NLRP1: variants seen among roughly 807,000 people sequenced by gnomAD.
NLRP1 encodes the protein NACHT, LRR and PYD domains-containing protein 1.
NLRP1 carries 94 observed loss-of-function variants against 136.7 expected under a neutral mutation model. The observed-to-expected ratio is 0.69, with a 90% confidence interval of 0.58 to 0.82. The LOEUF (loss-of-function observed/expected upper bound fraction) is 0.82. Ranked by LOEUF, NLRP1 falls within the 40% of genes least tolerant of loss-of-function variation. NLRP1 has a pLI of 0.00. For synonymous variants in NLRP1, 690 were observed against 725.1 expected, an observed-to-expected ratio of 0.95 and a Z score of 0.78; for missense variants, 1,575 against 1,802.7, an observed-to-expected ratio of 0.87 and a Z score of 2.29.
intron 7 of NLRP1, among the ~76,000 whole-genome samples, chr17:5,539,061 G>T (rs1392280365): frequency 6.6e-6 from 1 of 152,130 alleles, no homozygotes; most frequent in African/African-American, 2.4e-5. Context: ...AGTAGAGATG[G>T]GGTTTCAGCA....
Position 5,530,625 on chromosome 17 carries a change from C to T in NLRP1, c.3376G>A (p.Glu1126Lys), listed in dbSNP as rs368992059. ...CFVMREAVTV[E>K]IEFCVWDQFL... ...TGGTCCCACACACAGAATTCAATCT[C>T]AACGGTCACCGCTTCTCTCATCACA... The change falls in exon 12 of 17, where the codon GAG becomes AAG. Residue 1126 changes from glutamate to lysine, a missense_variant. Glu to Lys is a moderately conservative substitution (Grantham distance 56). Coordinates refer to ENST00000572272, the MANE Select transcript of NLRP1 (RefSeq NM_033004.4). 11 of 1,614,102 alleles carry T rather than the reference C, an allele frequency of 6.8e-6. No homozygotes were observed. In the African/African-American group the frequency reaches 1.5e-4, roughly 22 times the overall value.
intron 3 of NLRP1, among the ~76,000 whole-genome samples, chr17:5,579,315 T>C (rs920581973): frequency 9.9e-5 from 15 of 151,404 alleles, no homozygotes; most frequent in African/African-American, 2.9e-4. Context: ...ATTCCATCAG[T>C]TGAAGGCCAG....
chr17:5,522,910 C>T (rs998924874), intron 12 of NLRP1, among the ~76,000 whole-genome samples: 1 of 152,196 alleles, frequency 6.6e-6, no homozygotes, highest in African/African-American at 2.4e-5. Flanking sequence ...ACTATTCAAA[C>T]TCTTCTTTTT....
rs1037357269 is a variant in NLRP1 at position 5,521,502 on chromosome 17, C to G, written c.3783+22G>C. On this transcript the variant is annotated intron_variant, in intron 13 of 16. Coordinates refer to ENST00000572272, the MANE Select transcript of NLRP1 (RefSeq NM_033004.4). ...TTACCGTCAACCCACCGTGGCCCAG[C>G]CTTTCTGGCTCTTAGTGTCACCTTC... 1.9e-6 allele frequency: 3 copies of G among 1,606,112 alleles called. No individual in the cohort carries two copies. The African/African-American group carries it at 4.0e-5, about 21-fold the overall frequency.
At chr17:5,506,524 G>A (rs1368925352) in intron 15 of NLRP1, among the ~76,000 whole-genome samples, 1 of 152,118 alleles carries the variant, frequency 6.6e-6, no homozygotes, top group Non-Finnish European at 1.5e-5. Flanking sequence ...AGCAACACAC[G>A]TGTCCATCAA....
In NLRP1 at chr17:5,558,850, G is replaced by A. The variant is rs202072495; in HGVS notation, c.1846C>T (p.Pro616Ser). 1.2e-6 allele frequency: 2 copies of A among 1,614,142 alleles called. No individual in the cohort carries two copies. Among genetic ancestry groups the A allele is most frequent in the African/African-American group, 2.7e-5 (2 of 75,032 alleles). ...AGGTGAATGAAGCTGTAGCTCAGAG[G>A]GATGGGGTGCTCTTGAAGAATACCC... is the stretch of plus-strand genomic sequence containing the variant. ...KMGILQEHPI[P>S]LSYSFIHLCF... Residue 616 changes from proline to serine, a missense_variant, in exon 4 of 17, where the codon CCT (proline) becomes TCT (serine). Coordinates refer to ENST00000572272, the MANE Select transcript of NLRP1 (RefSeq NM_033004.4).
rs936164078 is a variant in NLRP1, at chr17:5,533,796, C to T, written c.3052+101G>A. 53 of 805,648 alleles carry T rather than the reference C, an allele frequency of 6.6e-5. No individual in the cohort carries two copies. In the South Asian group the frequency reaches 8.1e-4, roughly 12 times the overall value. 49.9% of individuals were successfully genotyped at this position (805,648 alleles called of 1,614,324 possible). A position where few individuals can be genotyped will look rare whatever the true frequency, so the allele number is the denominator to read the frequency against. On this transcript the variant is annotated intron_variant, in intron 9 of 16. Transcript: ENST00000572272. The stretch of plus-strand genomic sequence containing the variant: ...CACCCTCTTGGGTAGGAAACCTGCC[C>T]CGTCCCACATCAGGGGCAGAGGGAT...
exon 16 of NLRP1, chr17:5,501,854 G>A (rs140863595): frequency 1.2e-6 from 2 of 1,613,798 alleles, no homozygotes; most frequent in Non-Finnish European, 1.7e-6. Context: ...GAGGTTCCAC[G>A]GCTGGCTGGT....
At chr17:5,579,109 C>A (rs566606299) in intron 3 of NLRP1, among the ~76,000 whole-genome samples, 2,582 of 151,682 alleles carry the variant, frequency 0.017, 70 homozygotes, top group African/African-American at 0.06. Context: ...CAGGGCCTGT[C>A]GTGGGGTTGG....
rs184186945 is a variant in NLRP1 at position 5,530,711 on chromosome 17, A to G, written c.3297-7T>C. The G allele has an allele frequency of 2.4e-5, 39 of 1,609,680 alleles. No individual in the cohort carries two copies. The Admixed American group carries it at 5.8e-4, about 24-fold the overall frequency. On this transcript the variant is annotated splice_polypyrimidine_tract_variant and splice_region_variant and intron_variant, in intron 11 of 16. Transcript: ENST00000572272. ...AGCTACAGGGAAGTGAACTCTGGGAAGAAGAGGGAGAGGCAGACACTTACT... is the reference window on the plus strand; with the variant it reads ...AGCTACAGGGAAGTGAACTCTGGGAGGAAGAGGGAGAGGCAGACACTTACT...
At chr17:5,575,692 C>T (rs1162192067) in intron 3 of NLRP1, among the ~76,000 whole-genome samples, 2 of 152,106 alleles carry the variant, frequency 1.3e-5, no homozygotes, top group African/African-American at 2.4e-5. Context: ...TTTAACACCC[C>T]CCTGTCAACA....
chr17:5,541,311 G>C lies in NLRP1; in HGVS notation c.2699+546C>G, dbSNP rs967258441. Reference sequence around the variant, plus strand: ...TCTGCCTGCCTCGACCTCCCAAAGTGCTGGGATGACAGGCATGAGCCAGGG... The same window carrying C: ...TCTGCCTGCCTCGACCTCCCAAAGTCCTGGGATGACAGGCATGAGCCAGGG... On this transcript the variant is annotated intron_variant, in intron 6 of 16. Transcript: ENST00000572272. This position sits in a 1 kb window ranked among gnomAD's most constrained non-coding sequence, Gnocchi z 4.2. Among the ~76,000 whole-genome samples the C allele has an allele frequency of 3.3e-5, 5 of 152,168 alleles. No individual in the cohort carries two copies. Among genetic ancestry groups the C allele is most frequent in the Non-Finnish European group, 7.4e-5 (5 of 68,018 alleles).
In NLRP1 at chr17:5,541,075, C is replaced by T. The variant is rs954430833; in HGVS notation, c.2699+782G>A. Among the ~76,000 whole-genome samples, 1 of 152,140 alleles carries T rather than the reference C, an allele frequency of 6.6e-6. No individual in the cohort carries two copies. The highest frequency in any genetic ancestry group is 1.5e-5 in the Non-Finnish European group (1 of 68,020). The stretch of plus-strand genomic sequence containing the variant: ...TCTTTTCTTTTTTAAGAAGGAGTCT[C>T]GCTCTGTTGCCCAGGCTGGAGTGTA... On this transcript the variant is annotated intron_variant, in intron 6 of 16. Transcript: ENST00000572272. This position sits in a 1 kb window ranked among gnomAD's most constrained non-coding sequence, Gnocchi z 4.2.
rs1292370990 is a variant in NLRP1, at chr17:5,541,709, T to C, written c.2699+148A>G. The C allele has an allele frequency of 1.3e-6, 1 of 763,398 alleles. No homozygotes were observed. Among genetic ancestry groups the C allele is most frequent in the Non-Finnish European group, 2.1e-6 (1 of 474,948 alleles). 47.3% of individuals were successfully genotyped at this position (763,398 alleles called of 1,614,324 possible). On this transcript the variant is annotated intron_variant, in intron 6 of 16. Transcript: ENST00000572272. The surrounding 1 kb of genome is among the most constrained non-coding windows in gnomAD (Gnocchi z 4.2). The stretch of plus-strand genomic sequence containing the variant: ...TCTGTCCAAGGGTGGATGAGCTTCC[T>C]CCTGAGCCTCTACTGCCTGGCTGAG...
chr17:5,529,064 C>T (rs971762780), intron 12 of NLRP1, among the ~76,000 whole-genome samples: 1 of 152,194 alleles, frequency 6.6e-6, no homozygotes, highest in Non-Finnish European at 1.5e-5. Context: ...CACAGTGGCT[C>T]ACACCTATAA....
intron 3 of NLRP1, among the ~76,000 whole-genome samples, chr17:5,575,310 T>C (rs1904902326): frequency 6.6e-6 from 1 of 152,158 alleles, no homozygotes; most frequent in Non-Finnish European, 1.5e-5. Context: ...AATGCTCCGA[T>C]TAAAAGACAC....
At chr17:5,521,888 A>G (rs1367305621) in intron 12 of NLRP1, 102 bp from the exon 13 acceptor site, 12 of 1,197,066 alleles carry the variant, frequency 1.0e-5, no homozygotes, top group African/African-American at 4.6e-5. Flanking sequence ...GCAATGGTAC[A>G]ATCTCGGCTC....
In NLRP1 at chr17:5,559,789, A is replaced by C; in HGVS notation, c.907T>G (p.Tyr303Asp). Reference protein sequence around the residue: ...DPLVKRSWPDYVEENRGHLIE... With the variant: ...DPLVKRSWPDDVEENRGHLIE... ...AAATGTCCTCGATTCTCCTCCACAT[A>C]ATCAGGCCAGCTTCTCTTGACCAGG... is the stretch of plus-strand genomic sequence containing the variant. Residue 303 changes from tyrosine (Y) to aspartate (D), a missense_variant, in exon 4 of 17, where the codon TAT becomes GAT. Coordinates refer to ENST00000572272, the MANE Select transcript of NLRP1 (RefSeq NM_033004.4). 6.2e-7 allele frequency: 1 copy of C among 1,614,222 alleles called. No individual in the cohort carries two copies. The highest frequency in any genetic ancestry group is 8.5e-7 in the Non-Finnish European group (1 of 1,180,042).
intron 12 of NLRP1, among the ~76,000 whole-genome samples, chr17:5,526,438 G>A (rs750880735): frequency 6.6e-6 from 1 of 152,160 alleles, no homozygotes; most frequent in Non-Finnish European, 1.5e-5. Flanking sequence ...TCCTGAGTAG[G>A]TGGGCAGGGG....
Sources: gnomAD v4.1 joint callset for allele counts (sites outside exome capture counted in the v4.1 genomes callset) on GRCh38, gnomAD v4.1.1 for gene constraint, Gnocchi (gnomAD v3.1) non-coding constraint, MANE v1.5 for transcripts, NCBI Gene and HGNC (gene_info 2026-07-23, HGNC 2026-07-21) for gene names.